SUPT3H: variants seen among roughly 807,000 people sequenced by gnomAD.
SUPT3H encodes the protein transcription initiation protein SPT3 homolog.
SUPT3H carries 44 observed loss-of-function variants against 44.3 expected under a neutral mutation model. That is an observed-to-expected ratio of 0.99 (90% CI 0.78 to 1.28). The LOEUF (loss-of-function observed/expected upper bound fraction) is 1.28. SUPT3H is among the 50% of genes most tolerant of loss of function. The pLI is 0.00. For missense variants in SUPT3H, 380 were observed against 387.1 expected, an observed-to-expected ratio of 0.98 and a Z score of 0.15; for synonymous variants, 124 against 125.6, an observed-to-expected ratio of 0.99 and a Z score of 0.09.
At chr6:45,242,579 T>C (rs553170414) in intron 2 of SUPT3H, among the ~76,000 whole-genome samples, 5 of 152,308 alleles carry the variant, frequency 3.3e-5, no homozygotes, top group Non-Finnish European at 5.9e-5. Context: ...ATAGTGACTC[T>C]TGGAAAGCAG....
chr6:45,020,307 G>A (rs961208815), intron 4 of SUPT3H, among the ~76,000 whole-genome samples: 3 of 151,938 alleles, frequency 2.0e-5, no homozygotes, highest in Non-Finnish European at 2.9e-5. Flanking sequence ...CTGCATAGAC[G>A]CATAAGGATA....
At chr6:45,251,560 T>C (rs914253888) in intron 2 of SUPT3H, among the ~76,000 whole-genome samples, 2 of 152,042 alleles carry the variant, frequency 1.3e-5, no homozygotes, top group African/African-American at 2.4e-5. Flanking sequence ...ACAGAATTCT[T>C]AAGTCCTAAT....
At position 45,256,097 on chromosome 6, in the gene SUPT3H, G is replaced by C. The variant is rs750584719; in HGVS notation, c.101+109104C>G. On this transcript the variant is annotated intron_variant, in intron 2 of 10. Transcript: ENST00000371459. The stretch of plus-strand genomic sequence containing the variant: ...GAGGCAAGAGAATGGTGTGAACCCG[G>C]GAGGCGGGGCTTCCAGTGAGCCGAG... 9.5e-4 allele frequency among the ~76,000 whole-genome samples: 144 copies of C among 152,126 alleles called. 1 individual carries two copies. The highest frequency in any genetic ancestry group is 1.6e-3 in the Non-Finnish European group (111 of 68,020).
chr6:45,356,034 A>G (rs1279113717), intron 2 of SUPT3H, among the ~76,000 whole-genome samples: 3 of 152,212 alleles, frequency 2.0e-5, no homozygotes, highest in Admixed American at 1.3e-4. Context: ...AGTTGTTTTA[A>G]GACACAGAAA....
chr6:45,208,781 G>T (rs1346839652), intron 2 of SUPT3H, among the ~76,000 whole-genome samples: 2 of 151,432 alleles, frequency 1.3e-5, no homozygotes, highest in Non-Finnish European at 2.9e-5. Context: ...CCTTCTACTG[G>T]AAGAAGATGC....
At chr6:45,241,421 G>A (rs144453211) in intron 2 of SUPT3H, among the ~76,000 whole-genome samples, 3 of 152,204 alleles carry the variant, frequency 2.0e-5, no homozygotes, top group African/African-American at 7.2e-5. Context: ...TGTGCCTTAA[G>A]GACATGTTTC....
intron 2 of SUPT3H, among the ~76,000 whole-genome samples, chr6:45,224,265 T>C (rs955959937): frequency 2.6e-5 from 4 of 152,024 alleles, no homozygotes; most frequent in African/African-American, 9.7e-5. Flanking sequence ...ATGTAAGTAC[T>C]CCCTCTAAAA....
intron 6 of SUPT3H, among the ~76,000 whole-genome samples, chr6:44,997,742 T>C (rs1277093361): frequency 2.0e-5 from 3 of 151,878 alleles, no homozygotes; most frequent in Non-Finnish European, 4.4e-5. Context: ...ACTCTTAATA[T>C]TTTTAAAACT....
intron 2 of SUPT3H, among the ~76,000 whole-genome samples, chr6:45,196,265 C>T (rs1562664857): frequency 6.6e-6 from 1 of 152,006 alleles, no homozygotes; most frequent in Non-Finnish European, 1.5e-5. Flanking sequence ...TAGACCATAG[C>T]ACCACTGTTT....
chr6:45,223,304 G>C (rs1430919616), intron 2 of SUPT3H, among the ~76,000 whole-genome samples: 3 of 152,044 alleles, frequency 2.0e-5, no homozygotes, highest in Non-Finnish European at 2.9e-5. Flanking sequence ...GGGGTAACTA[G>C]ATAAAGGATA....
At chr6:44,908,533 G>A (rs957964500) in intron 10 of SUPT3H, among the ~76,000 whole-genome samples, 30 of 152,048 alleles carry the variant, frequency 2.0e-4, no homozygotes, top group Admixed American at 1.8e-3. Context: ...TGAATTCATG[G>A]AACTTGCCTG....
chr6:45,115,192 C>CAG (rs1363422005), intron 2 of SUPT3H, among the ~76,000 whole-genome samples: 1 of 152,060 alleles, frequency 6.6e-6, no homozygotes, highest in East Asian at 1.9e-4. Flanking sequence ...AACATGGAAT[C>CAG]AGAGAGAGTC....
At chr6:45,217,194 T>A (rs551430835) in intron 2 of SUPT3H, among the ~76,000 whole-genome samples, 1 of 152,188 alleles carries the variant, frequency 6.6e-6, no homozygotes, top group South Asian at 2.1e-4. Flanking sequence ...AATAAAATGA[T>A]GGCCAGGCAT....
chr6:45,176,493 G>T (rs1460500976), intron 2 of SUPT3H, among the ~76,000 whole-genome samples: 1 of 152,104 alleles, frequency 6.6e-6, no homozygotes, highest in African/African-American at 2.4e-5. Context: ...CAGCGAGGCT[G>T]GGGGAGGGGC....
chr6:45,082,044 G>A (rs1333481257), intron 3 of SUPT3H, among the ~76,000 whole-genome samples: 1 of 152,022 alleles, frequency 6.6e-6, no homozygotes, highest in African/African-American at 2.4e-5. Context: ...AAAATCTAGA[G>A]GAAATGGATA....
intron 3 of SUPT3H, among the ~76,000 whole-genome samples, chr6:45,027,310 T>C (rs1285535341): frequency 6.6e-6 from 1 of 152,152 alleles, no homozygotes; most frequent in African/African-American, 2.4e-5. Context: ...TGTTGTTTTC[T>C]TGACCCCATT....
chr6:45,266,653 A>G (rs1775312796), intron 2 of SUPT3H, among the ~76,000 whole-genome samples: 1 of 152,186 alleles, frequency 6.6e-6, no homozygotes, highest in South Asian at 2.1e-4. Context: ...TAAGTAAACA[A>G]CTTTTTAAAA....
At chr6:45,297,434 A>G (rs1329396051) in intron 2 of SUPT3H, among the ~76,000 whole-genome samples, 1 of 152,244 alleles carries the variant, frequency 6.6e-6, no homozygotes, top group African/African-American at 2.4e-5. Flanking sequence ...TAGATAAAAT[A>G]GTTGGTTTGT....
chr6:45,027,260 G>A (rs1464222367), intron 3 of SUPT3H, among the ~76,000 whole-genome samples: 1 of 151,872 alleles, frequency 6.6e-6, no homozygotes, highest in Admixed American at 6.6e-5. Context: ...CAAAGTGCTG[G>A]GATTACAGGC....
Sources: gnomAD v4.1 joint callset for allele counts (sites outside exome capture counted in the v4.1 genomes callset) on GRCh38, gnomAD v4.1.1 for gene constraint, MANE v1.5 for transcripts, NCBI Gene and HGNC (gene_info 2026-07-23, HGNC 2026-07-21) for gene names.